LIN9: variants seen among roughly 807,000 people sequenced by gnomAD.
LIN9 encodes lin-9 DREAM MuvB core complex component, also known as protein lin-9 homolog.
LIN9 carries 18 observed loss-of-function variants against 78.0 expected under a neutral mutation model. The ratio of observed to expected loss-of-function variants is 0.23; its 90% CI spans 0.16 to 0.34. LIN9 has a LOEUF of 0.34. Among genes scored for constraint, LIN9 ranks in the 10% least tolerant of loss-of-function variants. LIN9 has a pLI of 1.00. For synonymous variants in LIN9, 192 were observed against 215.2 expected (o/e 0.89, Z 0.94); for missense variants, 451 against 644.1 (o/e 0.70, Z 3.25).
At chr1:226,260,514 G>T (rs1453556500) in intron 10 of LIN9, among the ~76,000 whole-genome samples, 1 of 142,644 alleles carries the variant, frequency 7.0e-6, no homozygotes, top group Non-Finnish European at 1.5e-5. Flanking sequence ...AACATGAAAA[G>T]AAAAAAACTA....
At chr1:226,298,996 A>G (rs1373631067) in intron 2 of LIN9, among the ~76,000 whole-genome samples, 1 of 152,206 alleles carries the variant, frequency 6.6e-6, no homozygotes, top group East Asian at 1.9e-4. Flanking sequence ...TCTATCGAAT[A>G]GACATATTAT....
At position 226,287,349 on chromosome 1, in the gene LIN9, T is replaced by C. The variant is rs1576342147; in HGVS notation, c.398+315A>G. 5.3e-5 allele frequency among the ~76,000 whole-genome samples: 8 copies of C among 152,304 alleles called. 1 individual carries two copies. Among genetic ancestry groups the C allele is most frequent in the Admixed American group, 5.2e-4 (8 of 15,290 alleles). ...TTATACCAGCACTTAACATCTCAATTATAAAATGAATCTCATTCACTGCAA... is the reference window on the plus strand; with the variant it reads ...TTATACCAGCACTTAACATCTCAATCATAAAATGAATCTCATTCACTGCAA... On this transcript the variant is annotated intron_variant, in intron 5 of 14. Transcript: ENST00000681046.
At chr1:226,260,917 T>G (rs1428228847) in intron 10 of LIN9, among the ~76,000 whole-genome samples, 5 of 151,976 alleles carry the variant, frequency 3.3e-5, no homozygotes, top group Admixed American at 2.0e-4. Flanking sequence ...AGTGCTGGGA[T>G]TACAGGCGTG....
chr1:226,243,741 A>G (rs1360716565), intron 11 of LIN9, among the ~76,000 whole-genome samples: 2 of 151,578 alleles, frequency 1.3e-5, no homozygotes, highest in African/African-American at 4.8e-5. Context: ...AAAAAACCCA[A>G]TAGTATATAT....
chr1:226,246,725 G>A (rs60198763), intron 11 of LIN9, among the ~76,000 whole-genome samples: 4,121 of 150,178 alleles, frequency 0.027, 168 homozygotes, highest in African/African-American at 0.094. Context: ...TCTGGGAGTC[G>A]GAGCTTGCAG....
At chr1:226,291,364 A>C (rs1013113186) in intron 4 of LIN9, among the ~76,000 whole-genome samples, 20 of 152,174 alleles carry the variant, frequency 1.3e-4, no homozygotes, top group Non-Finnish European at 2.4e-4. Context: ...TCTCAAAAAA[A>C]GACAGTGAAA....
chr1:226,296,382 G>C (rs1315251211), intron 3 of LIN9, among the ~76,000 whole-genome samples: 1 of 152,116 alleles, frequency 6.6e-6, no homozygotes. Flanking sequence ...GCCTAAATGT[G>C]TATACTATTA....
chr1:226,259,654 C>T (rs1385294658), intron 10 of LIN9, among the ~76,000 whole-genome samples: 4 of 151,562 alleles, frequency 2.6e-5, no homozygotes, highest in South Asian at 2.1e-4. Flanking sequence ...CTGTAAAATC[C>T]GAAGATATGT....
chr1:226,289,093 G>A (rs866592782), intron 4 of LIN9, among the ~76,000 whole-genome samples: 13 of 152,088 alleles, frequency 8.5e-5, no homozygotes, highest in South Asian at 4.2e-4. Flanking sequence ...AAAATTAGCC[G>A]GGCGTGGTGG....
rs61836886 is a variant in LIN9, at chr1:226,232,339, T to C, written c.*162A>G. 38,571 of 430,726 alleles carry C rather than the reference T, an allele frequency of 0.09. 2,677 individuals are homozygous for C. The highest frequency in any genetic ancestry group is 0.3 in the East Asian group (8,781 of 29,316). 26.7% of individuals were successfully genotyped at this position (430,726 alleles called of 1,614,324 possible). A position where few individuals can be genotyped will look rare whatever the true frequency, so the allele number is the denominator to read the frequency against. On this transcript the variant is annotated 3_prime_UTR_variant, in exon 15 of 15. Coordinates refer to ENST00000681046, the MANE Select transcript of LIN9 (RefSeq NM_001366245.2). ...AAATAAATATAATGCTGGTCAGCAA[T>C]GCTGGTTTAAGAAGCAGTACAGTCT... is the stretch of plus-strand genomic sequence containing the variant.
intron 10 of LIN9, among the ~76,000 whole-genome samples, chr1:226,257,932 C>G (rs1421954385): frequency 6.6e-6 from 1 of 152,048 alleles, no homozygotes; most frequent in East Asian, 1.9e-4. Context: ...GCCTATAATC[C>G]CAGTACTTTG....
At chr1:226,233,021 A>C (rs2306119) in intron 14 of LIN9, 75 bp downstream of exon 14, 1 of 859,538 alleles carries the variant, frequency 1.2e-6, no homozygotes, top group South Asian at 1.8e-5. Context: ...ACAAATATGC[A>C]TAATTCTTAA....
rs1038598167 is a variant in LIN9, at chr1:226,291,615, A to C, written c.265-3818T>G. On this transcript the variant is annotated intron_variant, in intron 4 of 14. Transcript: ENST00000681046. Reference sequence around the variant, plus strand: ...GGTAAGTTAGGGTCAAAATTTTAAAATTTTTATTATAAACTTTGTATTTTG... The same window carrying C: ...GGTAAGTTAGGGTCAAAATTTTAAACTTTTTATTATAAACTTTGTATTTTG... Among the ~76,000 whole-genome samples the C allele has an allele frequency of 5.3e-5, 8 of 152,102 alleles. No homozygotes were observed. In the East Asian group the frequency reaches 1.5e-3, roughly 29 times the overall value.
In LIN9 at chr1:226,250,896, C is replaced by T; in HGVS notation, c.1062G>A (p.Met354Ile). Residue 354 changes from methionine to isoleucine, a missense_variant, in exon 11 of 15, where the codon ATG (methionine) becomes ATA (isoleucine). Physicochemically the swap from Met to Ile is conservative, Grantham distance 10 (BLOSUM62 1). Transcript: ENST00000681046. ...ATTTCTTGATATGTTCCTTTTTAAT[C>T]ATGAGAATTTTTGATAATCTGGTCT... ...IQVTRLSKIL[M>I]IKKEHIKKLR... is the part of the protein sequence containing the mutation. The T allele has an allele frequency of 1.3e-6, 2 of 1,533,774 alleles. No individual in the cohort carries two copies. Among genetic ancestry groups the T allele is most frequent in the Non-Finnish European group, 1.8e-6 (2 of 1,117,586 alleles).
intron 7 of LIN9, among the ~76,000 whole-genome samples, chr1:226,277,008 AAAAC>A (rs1281074566): frequency 1.3e-5 from 2 of 152,138 alleles, no homozygotes; most frequent in South Asian, 2.1e-4. Context: ...TTAGGAAAGG[AAAAC>A]AAACAATGTA....
intron 7 of LIN9, among the ~76,000 whole-genome samples, chr1:226,275,950 C>T (rs1029137231): frequency 3.1e-4 from 47 of 152,022 alleles, no homozygotes; most frequent in Middle Eastern, 3.2e-3. Flanking sequence ...ATTGCTTGAA[C>T]CCTGGAGGTG....
At chr1:226,258,254 A>C (rs1659332059) in intron 10 of LIN9, among the ~76,000 whole-genome samples, 2 of 151,948 alleles carry the variant, frequency 1.3e-5, no homozygotes, top group Non-Finnish European at 2.9e-5. Context: ...TAATTCCAGC[A>C]CTTTGGGAGG....
Position 226,231,894 on chromosome 1 carries a change from T to A in LIN9, c.*607A>T, listed in dbSNP as rs1657359704. On this transcript the variant is annotated 3_prime_UTR_variant, in exon 15 of 15. Transcript: ENST00000681046. ...TTATATGTTATGATAAATTAAAATATTTATTATTATAAAATGATCTACAGA... is the reference window on the plus strand; with the variant it reads ...TTATATGTTATGATAAATTAAAATAATTATTATTATAAAATGATCTACAGA... The A allele has an allele frequency of 3.0e-6, 1 of 334,410 alleles. No homozygotes were observed. Among genetic ancestry groups the A allele is most frequent in the South Asian group, 1.5e-4 (1 of 6,488 alleles). 20.7% of individuals were successfully genotyped at this position (334,410 alleles called of 1,614,324 possible). A position where few individuals can be genotyped will look rare whatever the true frequency, so the allele number is the denominator to read the frequency against.
intron 6 of LIN9, among the ~76,000 whole-genome samples, chr1:226,284,044 AT>A (rs1320621911): frequency 2.6e-5 from 4 of 152,344 alleles, no homozygotes; most frequent in Admixed American, 1.3e-4. Context: ...ATTTAAAAAA[AT>A]ATTTAAATCT....
Sources: allele counts gnomAD v4.1 joint callset (sites outside exome capture counted in the v4.1 genomes callset), GRCh38; gene constraint gnomAD v4.1.1; transcripts MANE v1.5; gene names NCBI Gene and HGNC (gene_info 2026-07-23, HGNC 2026-07-21).